The following NAV3 variants were observed in gnomAD, a reference collection of about 807,000 sequenced individuals.
The protein encoded by NAV3 is pore membrane and/or filament interacting like protein 1.
In NAV3, 87 loss-of-function variants were observed where a neutral mutation model predicts 244.7. The ratio of observed to expected loss-of-function variants is 0.36; its 90% confidence interval spans 0.30 to 0.42. The LOEUF is 0.42. Among genes scored for constraint, NAV3 ranks in the 20% least tolerant of loss-of-function variants. The pLI, the probability that NAV3 is intolerant of heterozygous loss-of-function variation, is 1.00. For missense variants in NAV3, 2,663 were observed against 2,893.3 expected (o/e 0.92, Z 1.83); for synonymous variants, 1,126 against 1,042.2 (o/e 1.08, Z -1.55).
chr12:77,961,804 C>A (rs1450710328), intron 3 of NAV3, among the ~76,000 whole-genome samples: 1 of 139,662 alleles, frequency 7.2e-6, no homozygotes, highest in African/African-American at 2.7e-5. Context: ...TCTGGCTGGT[C>A]CTCTATGTAT....
At chr12:77,866,498 T>G (rs1880053746) in intron 1 of NAV3, among the ~76,000 whole-genome samples, 1 of 152,120 alleles carries the variant, frequency 6.6e-6, no homozygotes. Flanking sequence ...ACCAAACATT[T>G]CCTCCTATCC....
intron 2 of NAV3, among the ~76,000 whole-genome samples, chr12:77,716,088 G>C (rs935585714): frequency 3.3e-5 from 5 of 151,894 alleles, no homozygotes; most frequent in Admixed American, 3.3e-4. Flanking sequence ...CTTAGAATTT[G>C]TCATACTCCT....
chr12:77,906,908 T>G (rs10859620), intron 1 of NAV3, among the ~76,000 whole-genome samples: 55,071 of 152,000 alleles, frequency 0.36, 10,796 homozygotes, highest in East Asian at 0.46. Flanking sequence ...GAAATACAGT[T>G]GCCAACTTCT....
intron 2 of NAV3, among the ~76,000 whole-genome samples, chr12:77,594,219 T>A (rs565494033): frequency 6.6e-6 from 1 of 152,262 alleles, no homozygotes; most frequent in South Asian, 2.1e-4. Context: ...ATGGGGGATG[T>A]TGAGGTGGGG....
At chr12:77,886,998 A>G (rs1016329701) in intron 1 of NAV3, among the ~76,000 whole-genome samples, 4 of 152,136 alleles carry the variant, frequency 2.6e-5, no homozygotes, top group Non-Finnish European at 5.9e-5. Flanking sequence ...TGTTCACTAA[A>G]CAAACATGAA....
At chr12:77,795,483 T>C (rs1317544086) in intron 2 of NAV3, among the ~76,000 whole-genome samples, 1 of 152,160 alleles carries the variant, frequency 6.6e-6, no homozygotes, top group Non-Finnish European at 1.5e-5. Context: ...CTGATGAAGA[T>C]GGCTACACTA....
chr12:77,739,011 CAAAAAAAAA>C (rs1168641355), intron 2 of NAV3, among the ~76,000 whole-genome samples: 1 of 64,068 alleles, frequency 1.6e-5, no homozygotes, highest in East Asian at 5.8e-4. Flanking sequence ...GACTCCGTCT[CAAAAAAAAA>C]AAAAAAAAAA....
intron 18 of NAV3, among the ~76,000 whole-genome samples, chr12:78,136,004 G>T (rs1310597152): frequency 6.6e-6 from 1 of 152,096 alleles, no homozygotes; most frequent in Non-Finnish European, 1.5e-5. Flanking sequence ...TTAATACCAG[G>T]ATTATCAAGC....
At chr12:77,979,205 C>G (rs1593181186) in intron 5 of NAV3, among the ~76,000 whole-genome samples, 1 of 130,730 alleles carries the variant, frequency 7.6e-6, no homozygotes, top group Non-Finnish European at 1.6e-5. Context: ...GAGACCTACT[C>G]TCTACAAAAA....
At chr12:77,930,363 G>T (rs912290904) in intron 1 of NAV3, among the ~76,000 whole-genome samples, 2 of 150,324 alleles carry the variant, frequency 1.3e-5, no homozygotes, top group African/African-American at 2.4e-5. Context: ...AGAGTTTGTT[G>T]TTTTTTTTCT....
intron 2 of NAV3, among the ~76,000 whole-genome samples, chr12:77,728,241 C>T (rs983491874): frequency 2.0e-5 from 3 of 151,876 alleles, no homozygotes; most frequent in Admixed American, 1.3e-4. Context: ...TCACAAAATG[C>T]CTAAGCTTGT....
intron 16 of NAV3, among the ~76,000 whole-genome samples, chr12:78,126,783 C>T (rs1027489351): frequency 2.6e-5 from 4 of 152,128 alleles, no homozygotes; most frequent in Non-Finnish European, 5.9e-5. Context: ...GAAGTTGTCA[C>T]TCTAACTTAG....
At chr12:78,113,278 C>A (rs1955195781) in intron 12 of NAV3, among the ~76,000 whole-genome samples, 1 of 152,216 alleles carries the variant, frequency 6.6e-6, no homozygotes, top group Admixed American at 6.5e-5. Context: ...TGGCCTTCAT[C>A]TCACAGATCC....
At chr12:78,064,634 G>GGGGGT (rs1367483687) in intron 12 of NAV3, among the ~76,000 whole-genome samples, 1 of 152,084 alleles carries the variant, frequency 6.6e-6, no homozygotes, top group Non-Finnish European at 1.5e-5. Flanking sequence ...ATATAAATTA[G>GGGGGT]GGGGTGGAGA....
chr12:78,135,713 AC>A lies in NAV3; in HGVS notation c.4442-1462del, dbSNP rs1231374575. Among the ~76,000 whole-genome samples, 8 of 152,146 alleles carry A rather than the reference AC, an allele frequency of 5.3e-5. 1 individual carries two copies. The highest frequency in any genetic ancestry group is 1.0e-4 in the Non-Finnish European group (7 of 68,012). ...TTAAGTCTTCAATGTCCTACAGTGTACCTACTGGCTGTTGTCACTAATCAGA... is the reference window on the plus strand; with the variant it reads ...TTAAGTCTTCAATGTCCTACAGTGTACTACTGGCTGTTGTCACTAATCAGA... On this transcript the variant is annotated intron_variant, in intron 18 of 39. Transcript: ENST00000397909.
At position 78,119,751 on chromosome 12, in the gene NAV3, G is replaced by C. The variant is rs2138630250; in HGVS notation, c.3555G>C (p.Gly1185=). The C allele has an allele frequency of 6.2e-7, 1 of 1,614,072 alleles. No individual in the cohort carries two copies. The part of the protein sequence containing the change: ...TSKLREPTKI[G]SGRSSPVTVN... ...AACTGAGAGAACCAACTAAAATTGG[G>C]TCAGGGCGCTCGAGTCCTGTCACCG... The change falls in exon 15 of 40, where the codon GGG becomes GGC. Residue 1185 remains glycine, a synonymous_variant. Coordinates refer to ENST00000397909, the MANE Select transcript of NAV3 (RefSeq NM_001024383.2).
At chr12:77,706,880 AAAAAAAAAAAAAACC>A (rs1359912888) in intron 2 of NAV3, among the ~76,000 whole-genome samples, 1 of 142,324 alleles carries the variant, frequency 7.0e-6, no homozygotes, top group African/African-American at 2.8e-5. Flanking sequence ...CAAAAAAAAA[AAAAAAAAAAAAAACC>A]AAAAAAAAAA....
intron 2 of NAV3, among the ~76,000 whole-genome samples, chr12:77,744,045 T>C (rs1965579): frequency 0.48 from 72,711 of 151,738 alleles, 17,973 homozygotes; most frequent in East Asian, 0.81. Flanking sequence ...AAAGATTCTA[T>C]GTTATTTTCT....
At chr12:77,747,896 T>C (rs1320484844) in intron 2 of NAV3, among the ~76,000 whole-genome samples, 2 of 150,940 alleles carry the variant, frequency 1.3e-5, no homozygotes, top group African/African-American at 2.4e-5. Flanking sequence ...GGTTGGGGGA[T>C]GGGGGAGGGA....
Sources: allele counts gnomAD v4.1 joint callset (sites outside exome capture counted in the v4.1 genomes callset), GRCh38; gene constraint gnomAD v4.1.1; transcripts MANE v1.5; gene names NCBI Gene and HGNC (gene_info 2026-07-23, HGNC 2026-07-21).